RAB37: variants seen among roughly 807,000 people sequenced by gnomAD.
The protein encoded by RAB37 is RAB37, member RAS oncogene family.
RAB37 carries 29 observed loss-of-function variants against 33.1 expected under a neutral mutation model. The ratio of observed to expected loss-of-function variants is 0.88; its 90% CI spans 0.65 to 1.20. The LOEUF (loss-of-function observed/expected upper bound fraction) is 1.20, where lower values mean the gene tolerates loss of function less well. RAB37 is among the 50% of genes most tolerant of loss of function. RAB37 has a pLI of 0.00. For synonymous variants in RAB37, 128 were observed against 119.5 expected, an observed-to-expected ratio of 1.07 and a Z score of -0.47; for missense variants, 299 against 301.1, an observed-to-expected ratio of 0.99 and a Z score of 0.05.
intron 1 of RAB37, among the ~76,000 whole-genome samples, chr17:74,706,674 C>T (rs1441375674): frequency 2.0e-5 from 3 of 152,034 alleles, no homozygotes; most frequent in Non-Finnish European, 4.4e-5. Flanking sequence ...ATCTCAAAAA[C>T]AAAACAAAAC....
intron 1 of RAB37, chr17:74,704,529 C>T (rs1186925340): frequency 1.2e-6 from 2 of 1,614,154 alleles, no homozygotes; most frequent in Admixed American, 3.3e-5. Flanking sequence ...CCAGTTTTCT[C>T]AATTCCACAC....
chr17:74,743,310 C>T lies in RAB37; in HGVS notation c.336C>T (p.Ile112=). The change falls in exon 5 of 9, where the codon ATC becomes ATT. Residue 112 remains isoleucine (I), a synonymous_variant. Coordinates refer to ENST00000392613, the MANE Select transcript of RAB37 (RefSeq NM_001006638.3). The stretch of plus-strand genomic sequence containing the variant: ...CAGCCTTGCTTCTGCTGTATGACAT[C>T]ACCAACAAATCTTCTTTCGACAACA... ...DAQALLLLYD[I]TNKSSFDNIR... is the part of the protein sequence containing the mutation. 6.2e-7 allele frequency: 1 copy of T among 1,614,126 alleles called. No homozygotes were observed. Among genetic ancestry groups the T allele is most frequent in the East Asian group, 2.2e-5 (1 of 44,886 alleles).
chr17:74,731,342 C>G (rs1480996370), intron 2 of RAB37, among the ~76,000 whole-genome samples: 1 of 152,074 alleles, frequency 6.6e-6, no homozygotes, highest in Non-Finnish European at 1.5e-5. Context: ...AGGCTGAGTG[C>G]CGCCCAGGTG....
Position 74,744,439 on chromosome 17 carries a change from C to T in RAB37, c.432+66C>T, listed in dbSNP as rs780750461. 3 of 1,458,320 alleles carry T rather than the reference C, an allele frequency of 2.1e-6. No individual in the cohort carries two copies. Among genetic ancestry groups the T allele is most frequent in the Non-Finnish European group, 2.9e-6 (3 of 1,038,594 alleles). 90.3% of individuals were successfully genotyped at this position (1,458,320 alleles called of 1,614,324 possible). On this transcript the variant is annotated intron_variant, in intron 6 of 8. Coordinates refer to ENST00000392613, the MANE Select transcript of RAB37 (RefSeq NM_001006638.3). The surrounding 1 kb of genome is among the most constrained non-coding windows in gnomAD (Gnocchi z 4.2). ...CCTCAGCCCTAGCCGGCCCCATAAC[C>T]ACCCAAGAACAGTTATCTAGGCATC...
chr17:74,711,314 C>T (rs72847202), intron 1 of RAB37, among the ~76,000 whole-genome samples: 9,110 of 152,172 alleles, frequency 0.06, 383 homozygotes, highest in East Asian at 0.15. Flanking sequence ...ACTCCCAACA[C>T]GACTCTCACA....
chr17:74,744,442 C>T lies in RAB37; in HGVS notation c.432+69C>T, dbSNP rs752350692. 9 of 1,447,358 alleles carry T rather than the reference C, an allele frequency of 6.2e-6. No homozygotes were observed. The highest frequency in any genetic ancestry group is 6.8e-6 in the Non-Finnish European group (7 of 1,028,684). The allele number at this position is 1,447,358 out of a possible 1,614,324, so 89.7% of individuals were successfully genotyped here. ...CAGCCCTAGCCGGCCCCATAACCAC[C>T]CAAGAACAGTTATCTAGGCATCCTT... On this transcript the variant is annotated intron_variant, in intron 6 of 8. Transcript: ENST00000392613. This position sits in a 1 kb window ranked among gnomAD's most constrained non-coding sequence, Gnocchi z 4.2.
chr17:74,737,462 C>A, intron 1 of RAB37, 97 bp downstream of exon 1: 2 of 1,329,020 alleles, frequency 1.5e-6, no homozygotes, highest in Non-Finnish European at 2.0e-6. Context: ...CAGGCAGCTG[C>A]GTCTCCCAGA....
At chr17:74,727,290 A>C (rs747704513) in intron 1 of RAB37, among the ~76,000 whole-genome samples, 1 of 152,268 alleles carries the variant, frequency 6.6e-6, no homozygotes, top group Non-Finnish European at 1.5e-5. Context: ...AGGAGATGTG[A>C]AGAGGGAATC....
At chr17:74,703,124 G>A in intron 1 of RAB37, 1 of 1,613,694 alleles carries the variant, frequency 6.2e-7, no homozygotes, top group Non-Finnish European at 8.5e-7. Flanking sequence ...AGGTAGGCGT[G>A]GTGGGGGCAG....
chr17:74,703,806 G>C (rs888814321), intron 1 of RAB37, among the ~76,000 whole-genome samples: 2 of 152,188 alleles, frequency 1.3e-5, no homozygotes, highest in Non-Finnish European at 2.9e-5. Flanking sequence ...AGCAGAACAA[G>C]CCCAACAAAT....
At chr17:74,733,316 G>A (rs915539226), upstream of RAB37, among the ~76,000 whole-genome samples, 1 of 152,108 alleles carries the variant, frequency 6.6e-6, no homozygotes, top group Non-Finnish European at 1.5e-5. Flanking sequence ...GTTATGAAGT[G>A]TGTGTTTGTG....
At chr17:74,712,561 C>T (rs551863587) in intron 1 of RAB37, among the ~76,000 whole-genome samples, 19 of 152,348 alleles carry the variant, frequency 1.2e-4, no homozygotes, top group Middle Eastern at 6.8e-3. Context: ...TTTCCCTGGC[C>T]GGCGGGGCCT....
intron 1 of RAB37, among the ~76,000 whole-genome samples, chr17:74,684,776 C>T (rs1009842163): frequency 1.3e-5 from 2 of 151,694 alleles, no homozygotes; most frequent in African/African-American, 4.9e-5. Context: ...GGTGACAGAG[C>T]AAGGTTCTGC....
intron 1 of RAB37, among the ~76,000 whole-genome samples, chr17:74,681,923 T>C (rs1445266213): frequency 6.6e-6 from 1 of 152,212 alleles, no homozygotes; most frequent in Non-Finnish European, 1.5e-5. Flanking sequence ...TCTGCCCTGC[T>C]CACTGATTTT....
chr17:74,734,445 G>A (rs1345921118), upstream of RAB37, among the ~76,000 whole-genome samples: 1 of 152,174 alleles, frequency 6.6e-6, no homozygotes, highest in African/African-American at 2.4e-5. Context: ...GTCTTTGGGG[G>A]ACAGAATTCA....
At chr17:74,684,557 G>A (rs2032016711) in intron 1 of RAB37, among the ~76,000 whole-genome samples, 1 of 152,102 alleles carries the variant, frequency 6.6e-6, no homozygotes, top group Admixed American at 6.5e-5. Context: ...GGAGGCCGAG[G>A]TAGCTGGATC....
chr17:74,675,027 G>A (rs966675678), intron 1 of RAB37, among the ~76,000 whole-genome samples: 3 of 152,204 alleles, frequency 2.0e-5, no homozygotes, highest in African/African-American at 7.2e-5. Flanking sequence ...ACATCTGTGA[G>A]TCTTAATTTT....
chr17:74,696,063 G>T, intron 1 of RAB37: 1 of 1,314,890 alleles, frequency 7.6e-7, no homozygotes, highest in Non-Finnish European at 1.1e-6. Context: ...CCCAGGCCCT[G>T]CAGGGTGCCA....
At chr17:74,703,246 T>C in intron 1 of RAB37, 2 of 829,760 alleles carry the variant, frequency 2.4e-6, no homozygotes, top group Non-Finnish European at 3.9e-6. Context: ...GGGTCTGGAC[T>C]GCTACTATGG....
Sources: allele counts gnomAD v4.1 joint callset (sites outside exome capture counted in the v4.1 genomes callset), GRCh38; gene constraint gnomAD v4.1.1; non-coding constraint Gnocchi (gnomAD v3.1); transcripts MANE v1.5; gene names NCBI Gene and HGNC (gene_info 2026-07-23, HGNC 2026-07-21).